Variants in XKR9 observed in about 807,000 individuals in gnomAD.
XKR9 encodes XK-related protein 9.
Under a neutral mutation model 32.0 loss-of-function variants are expected in XKR9, and 32 were observed. That is an observed-to-expected ratio of 1.00 (90% CI 0.76 to 1.34). The LOEUF (loss-of-function observed/expected upper bound fraction) is 1.34. XKR9 is among the 40% of genes most tolerant of loss of function. The pLI, the probability that XKR9 is intolerant of heterozygous loss-of-function variation, is 0.00. For missense variants in XKR9, 546 were observed against 429.7 expected (o/e 1.27, Z -2.39); for synonymous variants, 168 against 143.4 (o/e 1.17, Z -1.22).
the XKR9 span, among the ~76,000 whole-genome samples, chr8:70,890,903 G>A: frequency 6.6e-6 from 1 of 151,902 alleles, no homozygotes; most frequent in East Asian, 1.9e-4. Context: ...GCAGAATTCT[G>A]CAGCAGATCA....
At chr8:70,737,409 T>G (rs1806884158), downstream of XKR9, among the ~76,000 whole-genome samples, 1 of 149,084 alleles carries the variant, frequency 6.7e-6, no homozygotes, top group Non-Finnish European at 1.5e-5. Flanking sequence ...TCATGTCATC[T>G]GCAAACAGGG....
At chr8:70,772,872 G>C (rs150377175) in intron 2 of XKR9, among the ~76,000 whole-genome samples, 6 of 152,220 alleles carry the variant, frequency 3.9e-5, no homozygotes, top group African/African-American at 1.4e-4. Flanking sequence ...GGAGTGTTTG[G>C]TATAAAAGTT....
intron 2 of XKR9, among the ~76,000 whole-genome samples, chr8:70,768,280 G>C (rs899287567): frequency 6.6e-6 from 1 of 152,190 alleles, no homozygotes; most frequent in African/African-American, 2.4e-5. Flanking sequence ...ACTGTGGTCT[G>C]AGAGACTGTT....
At chr8:70,861,920 C>T in the XKR9 span, among the ~76,000 whole-genome samples, 1 of 152,042 alleles carries the variant, frequency 6.6e-6, no homozygotes, top group Non-Finnish European at 1.5e-5. Context: ...TATATGTGTA[C>T]ATATATATAG....
chr8:70,998,752 C>T, the XKR9 span, among the ~76,000 whole-genome samples: 1 of 152,160 alleles, frequency 6.6e-6, no homozygotes, highest in Non-Finnish European at 1.5e-5. Context: ...ACAAGCAACC[C>T]AATGCATTCA....
At chr8:70,772,327 A>T (rs1310994402) in intron 2 of XKR9, among the ~76,000 whole-genome samples, 1 of 152,166 alleles carries the variant, frequency 6.6e-6, no homozygotes, top group Non-Finnish European at 1.5e-5. Flanking sequence ...CACACAGGAA[A>T]AGATGCACCT....
chr8:70,874,672 G>A, the XKR9 span, among the ~76,000 whole-genome samples: 3 of 152,194 alleles, frequency 2.0e-5, no homozygotes, highest in Non-Finnish European at 4.4e-5. Flanking sequence ...AAACAGGAAT[G>A]TATTGACTTC....
At chr8:70,858,799 A>T in the XKR9 span, among the ~76,000 whole-genome samples, 1 of 152,050 alleles carries the variant, frequency 6.6e-6, no homozygotes, top group Non-Finnish European at 1.5e-5. Context: ...AAACTAGATA[A>T]CTACATGCAG....
the XKR9 span, among the ~76,000 whole-genome samples, chr8:70,929,203 G>T: frequency 6.6e-6 from 1 of 152,164 alleles, no homozygotes; most frequent in Non-Finnish European, 1.5e-5. Flanking sequence ...TGATGGAAAA[G>T]TTCTCTAGTC....
intron 4 of XKR9, among the ~76,000 whole-genome samples, chr8:70,726,382 C>T: frequency 6.6e-6 from 1 of 152,200 alleles, no homozygotes; most frequent in East Asian, 1.9e-4. Context: ...ACAGCAGAAA[C>T]ATTTATAGCC....
At chr8:70,739,826 C>T (rs1177755613), downstream of XKR9, among the ~76,000 whole-genome samples, 2 of 152,190 alleles carry the variant, frequency 1.3e-5, no homozygotes, top group Non-Finnish European at 2.9e-5. Context: ...AGAGTTTCTG[C>T]CGAGAGATCC....
the XKR9 span, among the ~76,000 whole-genome samples, chr8:70,818,736 G>T: frequency 6.6e-6 from 1 of 152,132 alleles, no homozygotes; most frequent in Non-Finnish European, 1.5e-5. Context: ...ATAACTAGGG[G>T]TTGAGTAGTC....
chr8:71,038,284 CTT>C, the XKR9 span, among the ~76,000 whole-genome samples: 1 of 142,320 alleles, frequency 7.0e-6, no homozygotes, highest in African/African-American at 2.6e-5. Context: ...TCTTTCTTTT[CTT>C]TTCTCTCTCT....
the XKR9 span, among the ~76,000 whole-genome samples, chr8:70,983,985 A>G: frequency 2.5e-4 from 38 of 152,220 alleles, no homozygotes; most frequent in African/African-American, 9.2e-4. Context: ...AAATAATGAT[A>G]CCTTTAAGAG....
intron 2 of XKR9, among the ~76,000 whole-genome samples, chr8:70,676,711 C>T (rs1216983462): frequency 2.0e-5 from 3 of 152,130 alleles, no homozygotes; most frequent in Non-Finnish European, 2.9e-5. Context: ...TAAAAGTTGA[C>T]TCAAAACTGC....
At chr8:70,956,055 G>A in the XKR9 span, among the ~76,000 whole-genome samples, 3 of 152,162 alleles carry the variant, frequency 2.0e-5, no homozygotes, top group Non-Finnish European at 2.9e-5. Context: ...CCAAAGGGTC[G>A]CAGCTCTTCT....
intron 1 of XKR9, chr8:70,670,537 T>C (rs1466644772): frequency 6.6e-6 from 1 of 151,768 alleles, no homozygotes; most frequent in Admixed American, 6.6e-5. Flanking sequence ...AGGTGAGAAA[T>C]TGACACATAC....
the XKR9 span, among the ~76,000 whole-genome samples, chr8:70,820,569 T>C: frequency 6.6e-6 from 1 of 152,164 alleles, no homozygotes; most frequent in African/African-American, 2.4e-5. Flanking sequence ...TAAAGACTGC[T>C]TGAGGCTGGG....
chr8:70,732,437 A>G (rs1469469539), intron 4 of XKR9, among the ~76,000 whole-genome samples: 3 of 152,198 alleles, frequency 2.0e-5, no homozygotes, highest in African/African-American at 4.8e-5. Context: ...CCCCAGTCCA[A>G]GAGAACTAGG....
Sources: allele counts gnomAD v4.1 joint callset (sites outside exome capture counted in the v4.1 genomes callset), GRCh38; gene constraint gnomAD v4.1.1; transcripts MANE v1.5; gene names NCBI Gene and HGNC (gene_info 2026-07-23, HGNC 2026-07-21).